The following DGKK variants were observed in gnomAD, a reference collection of about 807,000 sequenced individuals.
The protein encoded by DGKK is diacylglycerol kinase kappa.
In DGKK, 35 loss-of-function variants were observed where a neutral mutation model predicts 92.2. That is an observed-to-expected ratio of 0.38 (90% CI 0.29 to 0.50). The LOEUF (loss-of-function observed/expected upper bound fraction) is 0.50. DGKK is among the 20% of genes least tolerant of loss of function. The pLI, the probability that DGKK is intolerant of heterozygous loss-of-function variation, is 0.92. For missense variants in DGKK, 910 were observed against 992.2 expected (o/e 0.92, Z 1.11); for synonymous variants, 368 against 360.6 (o/e 1.02, Z -0.23).
chrX:50,457,897 C>G (rs1380535024), intron 1 of DGKK, among the ~76,000 whole-genome samples: 1 of 111,526 alleles, frequency 9.0e-6, no homozygotes, highest in Non-Finnish European at 1.9e-5. Flanking sequence ...TTATGACAAC[C>G]CACTTTATGA....
intron 8 of DGKK, among the ~76,000 whole-genome samples, chrX:50,394,479 G>A (rs140840203): frequency 8.9e-6 from 1 of 111,952 alleles, no homozygotes; most frequent in African/African-American, 3.2e-5. Flanking sequence ...GGGGAGTCTT[G>A]TAGAAGCTGG....
At position 50,384,736 on chromosome X, in the gene DGKK, C is replaced by G; in HGVS notation, c.2436G>C (p.Gln812His). 1.7e-6 allele frequency: 2 copies of G among 1,208,976 alleles called. No individual in the cohort carries two copies. The highest frequency in any genetic ancestry group is 2.2e-6 in the Non-Finnish European group (2 of 893,910). The change falls in exon 16 of 28, where the codon CAG becomes CAC. Residue 812 changes from glutamine to histidine, a missense_variant. Gln to His is a conservative substitution (Grantham distance 24, BLOSUM62 0). Coordinates refer to ENST00000611977, the MANE Select transcript of DGKK (RefSeq NM_001013742.4). ...FLEDDPEDIN[Q>H]TSPRRRSRRG... ...GATCCTTACGGCGTCGTGGGCTTGT[C>G]TGGTTAATATCTTCTGGGTCATCTT...
intron 6 of DGKK, 64 bp downstream of exon 6, chrX:50,403,425 CCT>C: frequency 9.7e-7 from 1 of 1,029,055 alleles, no homozygotes; most frequent in Non-Finnish European, 1.4e-6. Flanking sequence ...TCTTCCTCCC[CCT>C]GTGTATCCTG....
In DGKK at chrX:50,437,606, CA is replaced by C. The variant is rs1191262607; in HGVS notation, c.646-13249del. 6.3e-5 allele frequency among the ~76,000 whole-genome samples: 7 copies of C among 110,330 alleles called. No individual in the cohort carries two copies. In the Admixed American group the frequency reaches 6.7e-4, roughly 11 times the overall value. ...TGATAGCATATCCAGAAGGGCTGAC[CA>C]TAAAAGTACAAATGCAATAAGAGAG... On this transcript the variant is annotated intron_variant, in intron 1 of 27. Transcript: ENST00000611977.
Position 50,384,595 on chromosome X carries a change from C to T in DGKK, c.2452+125G>A, listed in dbSNP as rs782160204. The T allele has an allele frequency of 1.0e-4, 61 of 585,365 alleles. No homozygotes were observed. In the South Asian group the frequency reaches 1.7e-3, roughly 17 times the overall value. 48.2% of individuals were successfully genotyped at this position (585,365 alleles called of 1,213,427 possible). On this transcript the variant is annotated intron_variant, in intron 16 of 27. Coordinates refer to ENST00000611977, the MANE Select transcript of DGKK (RefSeq NM_001013742.4). ...TTATAGTGTGAGTTTCTGGGAAAGA[C>T]GGAGGGGTATCTACTGCAGGATTAT... is the stretch of plus-strand genomic sequence containing the variant.
At position 50,376,117 on chromosome X, in the gene DGKK, A is replaced by G; in HGVS notation, c.3321T>C (p.Gly1107=). 1 of 1,211,303 alleles carries G rather than the reference A, an allele frequency of 8.3e-7. No homozygotes were observed. Among genetic ancestry groups the G allele is most frequent in the Non-Finnish European group, 1.1e-6 (1 of 895,247 alleles). ...KIHQHVSVLM[G]SVNASANILN... is the part of the protein sequence containing the mutation. ...GGATGTTAGCGCTGGCATTCACAGAACCCATGAGGACAGACACATGCTGGT... is the reference window on the plus strand; with the variant it reads ...GGATGTTAGCGCTGGCATTCACAGAGCCCATGAGGACAGACACATGCTGGT... The change falls in exon 24 of 28, where the codon GGT becomes GGC. Residue 1107 remains glycine, a synonymous_variant. Transcript: ENST00000611977.
In DGKK at chrX:50,370,430, A is replaced by G. The variant is rs1450444930; in HGVS notation, c.3732T>C (p.Phe1244=). Residue 1244 remains phenylalanine (F), a synonymous_variant, in exon 27 of 28, where the codon TTT becomes TTC. Transcript: ENST00000611977. The part of the protein sequence containing the change: ...KPKSGQSVQS[F]IGNLWHRRHR... ...CTGCCTGTGGGGGAGACTTACCAATAAAACTCTGGACACTCTGGCCTGATT... is the reference window on the plus strand; with the variant it reads ...CTGCCTGTGGGGGAGACTTACCAATGAAACTCTGGACACTCTGGCCTGATT... 1 of 1,190,273 alleles carries G rather than the reference A, an allele frequency of 8.4e-7. No individual in the cohort carries two copies. The highest frequency in any genetic ancestry group is 1.9e-5 in the South Asian group (1 of 53,771).
At chrX:50,409,296 C>T (rs782016095) in intron 4 of DGKK, among the ~76,000 whole-genome samples, 27 of 106,823 alleles carry the variant, frequency 2.5e-4, no homozygotes, top group Non-Finnish European at 4.4e-4. Flanking sequence ...TTACCAGCAA[C>T]CACCAGAAGC....
rs781958793 is a variant in DGKK at position 50,391,421 on chromosome X, T to A, written c.1844+16A>T. Reference sequence around the variant, plus strand: ...GACAGGAAGAGGCACAAGGGCCTGGTCTTTCAGCCACTTACCTGTCTAGGA... The same window carrying A: ...GACAGGAAGAGGCACAAGGGCCTGGACTTTCAGCCACTTACCTGTCTAGGA... On this transcript the variant is annotated intron_variant, in intron 11 of 27. Coordinates refer to ENST00000611977, the MANE Select transcript of DGKK (RefSeq NM_001013742.4). 2 of 1,207,302 alleles carry A rather than the reference T, an allele frequency of 1.7e-6. No homozygotes were observed. Among genetic ancestry groups the A allele is most frequent in the African/African-American group, 3.5e-5 (2 of 57,066 alleles).
intron 1 of DGKK, among the ~76,000 whole-genome samples, chrX:50,446,928 T>A (rs1318947582): frequency 9.1e-6 from 1 of 110,494 alleles, no homozygotes; most frequent in East Asian, 2.9e-4. Flanking sequence ...CATGTGCATG[T>A]ACGCTGACTG....
Position 50,462,390 on chromosome X carries a change from C to CTT in DGKK, c.645+7642_645+7643dup, listed in dbSNP as rs782504562. ...GTGGAGCCTGTGGGAGAAGTGAGTG[C>CTT]TTTTTTTTTTTTTTTTTTTTTGAGG... On this transcript the variant is annotated intron_variant, in intron 1 of 27. Transcript: ENST00000611977. Among the ~76,000 whole-genome samples, 384 of 60,436 alleles carry CTT rather than the reference C, an allele frequency of 6.4e-3. 10 individuals carry two copies. Among genetic ancestry groups the CTT allele is most frequent in the African/African-American group, 0.026 (360 of 13,591 alleles). 52.5% of individuals were successfully genotyped at this position (60,436 alleles called of 115,157 possible). A position where few individuals can be genotyped will look rare whatever the true frequency, so the allele number is the denominator to read the frequency against.
In DGKK at chrX:50,376,751, C is replaced by T; in HGVS notation, c.3272+7G>A. 1 of 1,180,110 alleles carries T rather than the reference C, an allele frequency of 8.5e-7. No homozygotes were observed. On this transcript the variant is annotated splice_region_variant and intron_variant, in intron 23 of 27. Transcript: ENST00000611977. Reference sequence around the variant, plus strand: ...TCTCAGCCCTGTATCTAGGCCAGTCCACTTACTTGCTGATGAGGTTTTCTG... The same window carrying T: ...TCTCAGCCCTGTATCTAGGCCAGTCTACTTACTTGCTGATGAGGTTTTCTG...
At chrX:50,413,946 T>C (rs886434350) in intron 4 of DGKK, among the ~76,000 whole-genome samples, 1 of 112,090 alleles carries the variant, frequency 8.9e-6, no homozygotes, top group Non-Finnish European at 1.9e-5. Context: ...AGTCAAGCTA[T>C]GGAAACAGCT....
intron 1 of DGKK, among the ~76,000 whole-genome samples, chrX:50,445,471 A>G (rs868980192): frequency 2.7e-5 from 3 of 111,252 alleles, no homozygotes; most frequent in African/African-American, 9.8e-5. Context: ...GGTGTAAGGA[A>G]GGGGTCCAGT....
intron 2 of DGKK, among the ~76,000 whole-genome samples, chrX:50,423,879 A>G (rs1385221910): frequency 1.8e-5 from 2 of 111,941 alleles, no homozygotes; most frequent in East Asian, 5.6e-4. Context: ...CACCATGACA[A>G]GTCTTTGCTT....
chrX:50,443,704 T>TTGTGTGTGTG (rs58486620), intron 1 of DGKK, among the ~76,000 whole-genome samples: 29 of 99,583 alleles, frequency 2.9e-4, no homozygotes, highest in Middle Eastern at 5.2e-3. Context: ...TGCACTCATT[T>TTGTGTGTGTG]TGTGTGTGTG....
At chrX:50,408,539 C>T (rs868977116) in intron 4 of DGKK, among the ~76,000 whole-genome samples, 1 of 110,066 alleles carries the variant, frequency 9.1e-6, no homozygotes, top group Non-Finnish European at 1.9e-5. Context: ...CCACCACGCC[C>T]GGCTAATTTT....
intron 13 of DGKK, 50 bp downstream of exon 13, chrX:50,388,477 T>C: frequency 1.0e-6 from 1 of 983,671 alleles, no homozygotes; most frequent in South Asian, 2.1e-5. Context: ...ATGAGCCCCA[T>C]GTCTGACCTG....
intron 10 of DGKK, 51 bp downstream of exon 10, chrX:50,392,290 A>G: frequency 1.0e-6 from 1 of 967,808 alleles, no homozygotes; most frequent in Non-Finnish European, 1.5e-6. Flanking sequence ...GGGCAGCTGC[A>G]CACCCCTACT....
Sources: gnomAD v4.1 joint callset for allele counts (sites outside exome capture counted in the v4.1 genomes callset) on GRCh38, gnomAD v4.1.1 for gene constraint, MANE v1.5 for transcripts, NCBI Gene and HGNC (gene_info 2026-07-23, HGNC 2026-07-21) for gene names.